ARID4B: variants seen among roughly 807,000 people sequenced by gnomAD.
ARID4B encodes the protein AT-rich interactive domain-containing protein 4B.
In ARID4B, 26 loss-of-function variants were observed where a neutral mutation model predicts 147.5. The ratio of observed to expected loss-of-function variants is 0.18; its 90% CI spans 0.13 to 0.24. The LOEUF (loss-of-function observed/expected upper bound fraction) is 0.24. Among genes scored for constraint, ARID4B ranks in the 10% least tolerant of loss-of-function variants. The pLI, the probability that ARID4B is intolerant of heterozygous loss-of-function variation, is 1.00. For synonymous variants in ARID4B, 512 were observed against 507.9 expected, an observed-to-expected ratio of 1.01 and a Z score of -0.11; for missense variants, 1,179 against 1,511.5, an observed-to-expected ratio of 0.78 and a Z score of 3.65.
Position 235,254,749 on chromosome 1 carries a change from G to A in ARID4B, c.274+911C>T, listed in dbSNP as rs1201110889. ...AAGATAAATCATCTCAAGAGAAAAAGGGAAAGAATAAAAGAGCCAGCAACT... is the reference window on the plus strand; with the variant it reads ...AAGATAAATCATCTCAAGAGAAAAAAGGAAAGAATAAAAGAGCCAGCAACT... On this transcript the variant is annotated intron_variant, in intron 5 of 23. Transcript: ENST00000264183. Among the ~76,000 whole-genome samples the A allele has an allele frequency of 2.6e-5, 4 of 151,788 alleles. No homozygotes were observed. In the East Asian group the frequency reaches 7.7e-4, roughly 29 times the overall value.
chr1:235,176,959 A>G (rs1663929272), intron 21 of ARID4B: 1 of 471,016 alleles, frequency 2.1e-6, no homozygotes, highest in African/African-American at 2.0e-5. Flanking sequence ...CAAAAGAGAG[A>G]TAAAATGTGC....
At position 235,244,813 on chromosome 1, in the gene ARID4B, C is replaced by G. The variant is rs529932076; in HGVS notation, c.446+1607G>C. ...GAGTAATGGAAGAGGAAATGAAGGT[C>G]AGATGAATGCCCTTAAGATCTAGGT... On this transcript the variant is annotated intron_variant, in intron 7 of 23. Coordinates refer to ENST00000264183, the MANE Select transcript of ARID4B (RefSeq NM_016374.6). Among the ~76,000 whole-genome samples the G allele has an allele frequency of 1.3e-3, 194 of 152,230 alleles. 1 individual carries two copies. Among genetic ancestry groups the G allele is most frequent in the African/African-American group, 4.6e-3 (190 of 41,534 alleles).
intron 2 of ARID4B, among the ~76,000 whole-genome samples, chr1:235,295,714 G>T (rs1274627049): frequency 6.6e-6 from 1 of 151,890 alleles, no homozygotes; most frequent in Non-Finnish European, 1.5e-5. Context: ...GGAGGCTGAG[G>T]CAGGGGAATC....
chr1:235,199,158 G>A (rs978175756), intron 17 of ARID4B, among the ~76,000 whole-genome samples: 20 of 152,056 alleles, frequency 1.3e-4, no homozygotes, highest in Admixed American at 1.0e-3. Context: ...GAAATTCCCT[G>A]AAAACTTACT....
intron 2 of ARID4B, among the ~76,000 whole-genome samples, chr1:235,322,576 T>C (rs577827512): frequency 1.8e-4 from 28 of 152,204 alleles, no homozygotes; most frequent in Non-Finnish European, 2.9e-4. Flanking sequence ...GCTCTCTGAT[T>C]TAGCTGTCCT....
chr1:235,170,006 A>T (rs1179407011), intron 23 of ARID4B, among the ~76,000 whole-genome samples: 1 of 152,136 alleles, frequency 6.6e-6, no homozygotes, highest in Non-Finnish European at 1.5e-5. Context: ...TTTTAAATAC[A>T]TGCACAGATT....
chr1:235,168,377 G>A lies in ARID4B; in HGVS notation c.*148C>T, dbSNP rs1663086807. On this transcript the variant is annotated 3_prime_UTR_variant, in exon 24 of 24. Coordinates refer to ENST00000264183, the MANE Select transcript of ARID4B (RefSeq NM_016374.6). ...TTGTACTTTTTCTTCATAAAAAAGT[G>A]CACTTAAGTGCCAAGTCAGCTTGTC... 1.2e-6 allele frequency: 1 copy of A among 810,612 alleles called. No homozygotes were observed. The highest frequency in any genetic ancestry group is 1.8e-5 in the African/African-American group (1 of 56,286). The allele number at this position is 810,612 out of a possible 1,614,324, so 50.2% of individuals were successfully genotyped here. A position where few individuals can be genotyped will look rare whatever the true frequency, so the allele number is the denominator to read the frequency against.
intron 16 of ARID4B, 142 bp from the exon 17 acceptor site, chr1:235,214,168 C>A (rs1666898380): frequency 9.9e-7 from 1 of 1,011,934 alleles, no homozygotes; most frequent in Non-Finnish European, 1.4e-6. Flanking sequence ...CTCAGAGTTT[C>A]ATTTTACTAT....
intron 6 of ARID4B, among the ~76,000 whole-genome samples, chr1:235,250,801 A>G (rs184910498): frequency 2.6e-5 from 4 of 152,334 alleles, no homozygotes; most frequent in African/African-American, 9.6e-5. Flanking sequence ...AAGGATACAT[A>G]GCCACTTGTT....
chr1:235,302,430 G>C (rs1673249222), intron 2 of ARID4B, among the ~76,000 whole-genome samples: 1 of 151,986 alleles, frequency 6.6e-6, no homozygotes. Context: ...ATATACACCA[G>C]ATTTCAAAGA....
intron 7 of ARID4B, among the ~76,000 whole-genome samples, chr1:235,243,406 T>C (rs566916650): frequency 2.0e-5 from 3 of 152,316 alleles, no homozygotes; most frequent in African/African-American, 7.2e-5. Flanking sequence ...GAGAGCCTGC[T>C]TGATTTTTAT....
intron 20 of ARID4B, chr1:235,180,137 C>CTTTTTTTTTTTTTTTTTTTT (rs1166842959): frequency 6.1e-5 from 6 of 98,534 alleles, no homozygotes; most frequent in African/African-American, 8.1e-5. Flanking sequence ...CTTGTTTTTT[C>CTTTTTTTTTTTTTTTTTTTT]TTTTTTTTTT....
intron 4 of ARID4B, among the ~76,000 whole-genome samples, chr1:235,256,671 A>AT: frequency 1.3e-5 from 2 of 152,258 alleles, no homozygotes; most frequent in African/African-American, 4.8e-5. Context: ...AAGAGCTCCG[A>AT]TTTTTTTGGT....
rs57278836 is a variant in ARID4B at position 235,311,356 on chromosome 1, C to CAATAATAATAAT, written c.6+15546_6+15557dup. Among the ~76,000 whole-genome samples the CAATAATAATAAT allele has an allele frequency of 8.6e-4, 117 of 136,722 alleles. 1 individual carries two copies. Among genetic ancestry groups the CAATAATAATAAT allele is most frequent in the Middle Eastern group, 7.5e-3 (2 of 268 alleles). The allele number at this position is 136,722 out of a possible 152,430, so 89.7% of individuals were successfully genotyped here. Reference sequence around the variant, plus strand: ...GACAGAGCAAGACCCTGTCTCAAAACAATAATAATAATAATAATAATAATA... The same window carrying CAATAATAATAAT: ...GACAGAGCAAGACCCTGTCTCAAAACAATAATAATAATAATAATAATAATAATAATAATAATA... On this transcript the variant is annotated intron_variant, in intron 2 of 23. Coordinates refer to ENST00000264183, the MANE Select transcript of ARID4B (RefSeq NM_016374.6).
chr1:235,295,017 A>G (rs1417270358), intron 2 of ARID4B, among the ~76,000 whole-genome samples: 1 of 151,308 alleles, frequency 6.6e-6, no homozygotes, highest in Non-Finnish European at 1.5e-5. Context: ...ATTATTTTTT[A>G]TTAAAATTTA....
chr1:235,272,744 C>T (rs748979054), intron 2 of ARID4B, among the ~76,000 whole-genome samples: 27 of 77,712 alleles, frequency 3.5e-4, no homozygotes. Context: ...ATATTAAATA[C>T]ATACAATACC....
intron 2 of ARID4B, among the ~76,000 whole-genome samples, chr1:235,285,826 TAAC>T (rs1201096494): frequency 6.6e-6 from 1 of 152,176 alleles, no homozygotes; most frequent in Non-Finnish European, 1.5e-5. Flanking sequence ...AAAATACCAT[TAAC>T]AACAGAATAA....
At chr1:235,237,442 T>C (rs1252090368) in intron 8 of ARID4B, among the ~76,000 whole-genome samples, 1 of 152,190 alleles carries the variant, frequency 6.6e-6, no homozygotes, top group Admixed American at 6.5e-5. Context: ...ATAAAATATT[T>C]ATATTTATTA....
chr1:235,182,351 G>A lies in ARID4B; in HGVS notation c.2568C>T (p.Asn856=), dbSNP rs763600211. The change falls in exon 20 of 24, where the codon AAC becomes AAT. Residue 856 remains asparagine, a synonymous_variant. Coordinates refer to ENST00000264183, the MANE Select transcript of ARID4B (RefSeq NM_016374.6). The part of the protein sequence containing the change: ...AKNKESLCME[N]SSNSSSDEDE... The stretch of plus-strand genomic sequence containing the variant: ...CTTCATCTGAAGAGCTGTTGCTACT[G>A]TTTTCCATGCAAAGTGATTCTTTGT... 5 of 1,612,650 alleles carry A rather than the reference G, an allele frequency of 3.1e-6. No individual in the cohort carries two copies. The highest frequency in any genetic ancestry group is 1.7e-5 in the Admixed American group (1 of 59,664).
Sources: gnomAD v4.1 joint callset for allele counts (sites outside exome capture counted in the v4.1 genomes callset) on GRCh38, gnomAD v4.1.1 for gene constraint, MANE v1.5 for transcripts, NCBI Gene and HGNC (gene_info 2026-07-23, HGNC 2026-07-21) for gene names.